The following IL1RAPL1 variants were observed in gnomAD, a reference collection of about 807,000 sequenced individuals.
IL1RAPL1 encodes the protein interleukin-1 receptor accessory protein-like 1.
Under a neutral mutation model 48.4 loss-of-function variants are expected in IL1RAPL1, and 3 were observed. That is an observed-to-expected ratio of 0.06 (90% CI 0.03 to 0.16). The LOEUF (loss-of-function observed/expected upper bound fraction) is 0.16, where lower values mean the gene tolerates loss of function less well. Among genes scored for constraint, IL1RAPL1 ranks in the 10% least tolerant of loss-of-function variants. The pLI, the probability that IL1RAPL1 is intolerant of heterozygous loss-of-function variation, is 1.00. For synonymous variants in IL1RAPL1, 185 were observed against 187.7 expected (o/e 0.99, Z 0.12); for missense variants, 349 against 530.6 (o/e 0.66, Z 3.36).
chrX:28,956,736 G>T (rs1395791479), intron 2 of IL1RAPL1, among the ~76,000 whole-genome samples: 2 of 108,693 alleles, frequency 1.8e-5, no homozygotes, highest in African/African-American at 6.7e-5. Flanking sequence ...TTTTGGTTGT[G>T]TCTCTGCCTG....
chrX:29,734,077 A>G (rs6630950), intron 6 of IL1RAPL1, among the ~76,000 whole-genome samples: 33,786 of 111,813 alleles, frequency 0.3, 3,966 homozygotes, highest in Admixed American at 0.45. Flanking sequence ...TGCTAGGGCA[A>G]TTACCTAAAA....
At chrX:29,455,705 A>G (rs1934731159) in intron 5 of IL1RAPL1, among the ~76,000 whole-genome samples, 1 of 112,010 alleles carries the variant, frequency 8.9e-6, no homozygotes, top group Non-Finnish European at 1.9e-5. Context: ...GTGAGTTCAC[A>G]CTTCAGGCCC....
intron 2 of IL1RAPL1, among the ~76,000 whole-genome samples, chrX:29,010,999 C>T: frequency 8.9e-6 from 1 of 111,821 alleles, no homozygotes; most frequent in Non-Finnish European, 1.9e-5. Context: ...TCATTATAAG[C>T]TGTTACTTGT....
chrX:28,654,225 C>A (rs1934724155), intron 1 of IL1RAPL1, among the ~76,000 whole-genome samples: 1 of 103,736 alleles, frequency 9.6e-6, no homozygotes, highest in African/African-American at 3.6e-5. Context: ...CACACACGAA[C>A]AAACAAACAA....
intron 3 of IL1RAPL1, among the ~76,000 whole-genome samples, chrX:29,334,851 G>A (rs1310995843): frequency 1.8e-5 from 2 of 112,864 alleles, no homozygotes; most frequent in South Asian, 3.6e-4. Flanking sequence ...AGGCAGAGAC[G>A]CTCCTCACTT....
chrX:28,709,554 G>A (rs1935416256), intron 1 of IL1RAPL1, among the ~76,000 whole-genome samples: 1 of 111,243 alleles, frequency 9.0e-6, no homozygotes, highest in Non-Finnish European at 1.9e-5. Context: ...CTTGAATGAA[G>A]GGTGTGCTAT....
At chrX:29,673,811 ACT>A (rs890545480) in intron 6 of IL1RAPL1, among the ~76,000 whole-genome samples, 2 of 112,202 alleles carry the variant, frequency 1.8e-5, no homozygotes, top group Admixed American at 1.9e-4. Flanking sequence ...GAAAGTGGTA[ACT>A]CTTAACAGCT....
At chrX:28,708,995 C>T (rs1458980950) in intron 1 of IL1RAPL1, among the ~76,000 whole-genome samples, 3 of 111,684 alleles carry the variant, frequency 2.7e-5, no homozygotes, top group Non-Finnish European at 5.6e-5. Flanking sequence ...CAAAATTTTA[C>T]ATGTACCCCC....
chrX:29,453,762 G>A (rs1934707324), intron 5 of IL1RAPL1, among the ~76,000 whole-genome samples: 1 of 111,939 alleles, frequency 8.9e-6, no homozygotes, highest in Non-Finnish European at 1.9e-5. Flanking sequence ...TGAGACGATC[G>A]AATGCTCTTC....
chrX:29,763,487 C>T lies in IL1RAPL1; in HGVS notation c.778+94983C>T, dbSNP rs139207766. Among the ~76,000 whole-genome samples, 799 of 111,040 alleles carry T rather than the reference C, an allele frequency of 7.2e-3. 8 individuals carry two copies. The highest frequency in any genetic ancestry group is 0.025 in the African/African-American group (765 of 30,625). ...ATGAAAATACTCATAGTAACAGTAACATACATATATGTAATGTGATTTATA... is the reference window on the plus strand; with the variant it reads ...ATGAAAATACTCATAGTAACAGTAATATACATATATGTAATGTGATTTATA... On this transcript the variant is annotated intron_variant, in intron 6 of 10. Coordinates refer to ENST00000378993, the MANE Select transcript of IL1RAPL1 (RefSeq NM_014271.4).
chrX:29,639,544 AGTT>A (rs759952143), intron 5 of IL1RAPL1, among the ~76,000 whole-genome samples: 1 of 60,140 alleles, frequency 1.7e-5, no homozygotes, highest in African/African-American at 8.4e-5. Context: ...CATAATTAAA[AGTT>A]TTTTTTTTTT....
At chrX:28,786,689 A>G (rs1445236341) in intron 1 of IL1RAPL1, among the ~76,000 whole-genome samples, 1 of 112,069 alleles carries the variant, frequency 8.9e-6, no homozygotes, top group Non-Finnish European at 1.9e-5. Context: ...CTCATTCTGC[A>G]TAAGGTTTAG....
At chrX:28,846,454 A>G (rs974892385) in intron 2 of IL1RAPL1, among the ~76,000 whole-genome samples, 16 of 111,660 alleles carry the variant, frequency 1.4e-4, no homozygotes, top group African/African-American at 5.2e-4. Context: ...GAGTGTGACT[A>G]CTGAGTCATA....
At chrX:28,883,896 A>G (rs1922565046) in intron 2 of IL1RAPL1, among the ~76,000 whole-genome samples, 1 of 112,079 alleles carries the variant, frequency 8.9e-6, no homozygotes, top group East Asian at 2.8e-4. Context: ...CATATCTTAG[A>G]AGTGTTTCTT....
chrX:29,236,491 G>GTA (rs1371773047), intron 2 of IL1RAPL1, among the ~76,000 whole-genome samples: 1 of 96,765 alleles, frequency 1.0e-5, no homozygotes, highest in African/African-American at 3.9e-5. Flanking sequence ...GTCTTAGGCT[G>GTA]TATTCTTCTA....
At chrX:29,734,181 CA>C (rs1927989764) in intron 6 of IL1RAPL1, among the ~76,000 whole-genome samples, 1 of 112,339 alleles carries the variant, frequency 8.9e-6, no homozygotes, top group Non-Finnish European at 1.9e-5. Context: ...GTAATAGGCA[CA>C]GGAAAAAAGA....
chrX:29,171,408 C>T (rs767857526), intron 2 of IL1RAPL1, among the ~76,000 whole-genome samples: 35 of 111,550 alleles, frequency 3.1e-4, no homozygotes, highest in Non-Finnish European at 5.8e-4. Context: ...CCCATAAAAT[C>T]GGTGTTAGAT....
intron 2 of IL1RAPL1, among the ~76,000 whole-genome samples, chrX:29,273,544 C>T (rs752559573): frequency 3.6e-5 from 4 of 111,965 alleles, no homozygotes; most frequent in Admixed American, 1.9e-4. Flanking sequence ...GGCCACAACA[C>T]GCTGTTGGAG....
chrX:29,516,806 G>T (rs181121811), intron 5 of IL1RAPL1, among the ~76,000 whole-genome samples: 1 of 110,355 alleles, frequency 9.1e-6, no homozygotes, highest in East Asian at 2.8e-4. Flanking sequence ...TCTAGCAGTT[G>T]AACAGCTGAG....
Sources: allele counts gnomAD v4.1 joint callset (sites outside exome capture counted in the v4.1 genomes callset), GRCh38; gene constraint gnomAD v4.1.1; transcripts MANE v1.5; gene names NCBI Gene and HGNC (gene_info 2026-07-23, HGNC 2026-07-21).